Variants in WDPCP observed in about 807,000 individuals in gnomAD.
WDPCP encodes WD repeat containing planar cell polarity effector, also known as WD repeat-containing and planar cell polarity effector protein fritz homolog.
Under a neutral mutation model 93.1 loss-of-function variants are expected in WDPCP, and 71 were observed. That is an observed-to-expected ratio of 0.76 (90% CI 0.63 to 0.93). The LOEUF (loss-of-function observed/expected upper bound fraction) is 0.93, where lower values mean the gene tolerates loss of function less well. Ranked by LOEUF, WDPCP falls within the 40% of genes least tolerant of loss-of-function variation. The pLI is 0.00. For missense variants in WDPCP, 844 were observed against 887.4 expected (o/e 0.95, Z 0.62); for synonymous variants, 315 against 315.0 (o/e 1.00, Z 0.00).
intron 14 of WDPCP, among the ~76,000 whole-genome samples, chr2:63,200,830 T>G (rs550785048): frequency 6.6e-6 from 1 of 152,034 alleles, no homozygotes; most frequent in East Asian, 1.9e-4. Context: ...GTATGTAAGA[T>G]AGACAGTAGA....
At chr2:63,506,219 C>T (rs976626916) in intron 1 of WDPCP, among the ~76,000 whole-genome samples, 2 of 151,794 alleles carry the variant, frequency 1.3e-5, no homozygotes, top group Non-Finnish European at 2.9e-5. Context: ...TTTCATCAAA[C>T]TTGCACCTAA....
chr2:63,122,753 G>A (rs1371659956), intron 17 of WDPCP, among the ~76,000 whole-genome samples: 1 of 152,022 alleles, frequency 6.6e-6, no homozygotes, highest in Non-Finnish European at 1.5e-5. Context: ...ACTTAGAGTT[G>A]AAATGGTAAA....
At chr2:63,553,506 G>A (rs908937656) in intron 1 of WDPCP, among the ~76,000 whole-genome samples, 1 of 151,722 alleles carries the variant, frequency 6.6e-6, no homozygotes, top group African/African-American at 2.4e-5. Context: ...TGGAGTGCAG[G>A]GTATTTTTTT....
intron 1 of WDPCP, among the ~76,000 whole-genome samples, chr2:63,527,003 A>C (rs923974948): frequency 6.6e-6 from 1 of 152,202 alleles, no homozygotes; most frequent in Non-Finnish European, 1.5e-5. Flanking sequence ...TTCCTCATAA[A>C]CTTAGAGTGT....
intron 17 of WDPCP, among the ~76,000 whole-genome samples, chr2:63,143,447 G>A (rs183408475): frequency 2.0e-5 from 3 of 152,188 alleles, no homozygotes; most frequent in East Asian, 3.9e-4. Flanking sequence ...ATGAGGTACC[G>A]TTGCATTCAT....
intron 2 of WDPCP, among the ~76,000 whole-genome samples, chr2:63,685,886 GC>G (rs1668799420): frequency 6.6e-6 from 1 of 152,130 alleles, no homozygotes; most frequent in African/African-American, 2.4e-5. Flanking sequence ...TGCTGAAAAA[GC>G]ATTTGATACA....
chr2:63,477,136 C>T (rs1293011022), intron 6 of WDPCP, among the ~76,000 whole-genome samples: 1 of 152,128 alleles, frequency 6.6e-6, no homozygotes, highest in Non-Finnish European at 1.5e-5. Context: ...AAACTAATTG[C>T]ATAATAATCT....
At chr2:63,548,262 C>A (rs1305514779) in intron 1 of WDPCP, among the ~76,000 whole-genome samples, 1 of 151,724 alleles carries the variant, frequency 6.6e-6, no homozygotes, top group Non-Finnish European at 1.5e-5. Flanking sequence ...CAAAAAGATA[C>A]CTGGTACAGT....
intron 9 of WDPCP, among the ~76,000 whole-genome samples, chr2:63,405,987 A>G (rs1483613965): frequency 6.6e-6 from 1 of 152,208 alleles, no homozygotes; most frequent in Non-Finnish European, 1.5e-5. Context: ...AGTGTATTGC[A>G]GTAATGTAAG....
intron 1 of WDPCP, among the ~76,000 whole-genome samples, chr2:63,586,074 C>T (rs1368919748): frequency 6.6e-6 from 1 of 152,106 alleles, no homozygotes; most frequent in Non-Finnish European, 1.5e-5. Context: ...AAGCAGTCCT[C>T]CGGCCTTAGC....
intron 9 of WDPCP, among the ~76,000 whole-genome samples, chr2:63,406,892 T>G (rs545640501): frequency 8.5e-5 from 13 of 152,128 alleles, no homozygotes; most frequent in African/African-American, 1.4e-4. Context: ...GGTGGAAGGA[T>G]GTCAGAGAAA....
intron 1 of WDPCP, among the ~76,000 whole-genome samples, chr2:63,561,953 A>G (rs1409631802): frequency 6.6e-6 from 1 of 152,206 alleles, no homozygotes; most frequent in East Asian, 1.9e-4. Context: ...ACTGTGAAAA[A>G]CAGTGTGATG....
chr2:63,230,383 C>A (rs1574935608), intron 14 of WDPCP, among the ~76,000 whole-genome samples: 1 of 152,000 alleles, frequency 6.6e-6, no homozygotes, highest in Non-Finnish European at 1.5e-5. Flanking sequence ...GTGAATAGTG[C>A]CACAATAAAC....
intron 1 of WDPCP, among the ~76,000 whole-genome samples, chr2:63,566,962 A>G (rs1248062337): frequency 1.3e-5 from 2 of 152,164 alleles, no homozygotes; most frequent in African/African-American, 4.8e-5. Context: ...AGCCAAATGC[A>G]AGAGATGCAC....
At chr2:63,313,884 A>T (rs373702162) in intron 12 of WDPCP, among the ~76,000 whole-genome samples, 44 of 8,020 alleles carry the variant, frequency 5.5e-3, no homozygotes, top group East Asian at 6.5e-3. Flanking sequence ...ATATATATAT[A>T]TATTTTTTTT....
chr2:63,795,227 T>C (rs1484369480), intron 2 of WDPCP, among the ~76,000 whole-genome samples: 1 of 152,196 alleles, frequency 6.6e-6, no homozygotes, highest in Non-Finnish European at 1.5e-5. Flanking sequence ...TGGAGTTGGA[T>C]GAGTGGAACA....
chr2:63,417,262 C>T (rs1440240520), intron 9 of WDPCP, among the ~76,000 whole-genome samples: 1 of 152,066 alleles, frequency 6.6e-6, no homozygotes, highest in Non-Finnish European at 1.5e-5. Context: ...TTATATAGTG[C>T]AAACTGTTTT....
intron 9 of WDPCP, among the ~76,000 whole-genome samples, chr2:63,433,038 C>T (rs1387918144): frequency 6.6e-6 from 1 of 152,096 alleles, no homozygotes; most frequent in Non-Finnish European, 1.5e-5. Flanking sequence ...GCTTTTTTTA[C>T]AGCTATAATA....
intron 1 of WDPCP, among the ~76,000 whole-genome samples, chr2:63,499,411 G>A (rs1302489125): frequency 6.6e-6 from 1 of 152,166 alleles, no homozygotes. Flanking sequence ...TTGCTAGGTA[G>A]CTAATTAGGA....
Sources: allele counts gnomAD v4.1 joint callset (sites outside exome capture counted in the v4.1 genomes callset), GRCh38; gene constraint gnomAD v4.1.1; transcripts MANE v1.5; gene names NCBI Gene and HGNC (gene_info 2026-07-23, HGNC 2026-07-21).